FSIP1: variants seen among roughly 807,000 people sequenced by gnomAD.
FSIP1 encodes fibrous sheath-interacting protein 1.
FSIP1 carries 65 observed loss-of-function variants against 60.9 expected under a neutral mutation model. The ratio of observed to expected loss-of-function variants is 1.07; its 90% CI spans 0.87 to 1.31. The LOEUF is 1.31. FSIP1 is among the 40% of genes most tolerant of loss of function. The pLI is 0.00. For missense variants in FSIP1, 675 were observed against 665.5 expected (o/e 1.01, Z -0.16); for synonymous variants, 209 against 221.2 (o/e 0.94, Z 0.49).
At chr15:39,763,716 C>T (rs1332261527) in intron 5 of FSIP1, 105 bp downstream of exon 5, 1 of 668,844 alleles carries the variant, frequency 1.5e-6, no homozygotes, top group African/African-American at 1.8e-5. Context: ...AACAGTCAAA[C>T]TCACAAAGAA....
intron 5 of FSIP1, among the ~76,000 whole-genome samples, chr15:39,751,418 A>ACACACAC (rs887989977): frequency 6.9e-6 from 1 of 144,754 alleles, no homozygotes; most frequent in African/African-American, 2.6e-5. Flanking sequence ...GTAATACATA[A>ACACACAC]ACACACACAC....
At chr15:39,730,680 C>A (rs1392828807) in intron 8 of FSIP1, among the ~76,000 whole-genome samples, 1 of 152,162 alleles carries the variant, frequency 6.6e-6, no homozygotes, top group Non-Finnish European at 1.5e-5. Flanking sequence ...CACTCCTCCC[C>A]ACCCTCTGAT....
chr15:39,763,102 AT>A (rs1439146400), intron 5 of FSIP1, among the ~76,000 whole-genome samples: 2 of 152,038 alleles, frequency 1.3e-5, no homozygotes, highest in African/African-American at 4.8e-5. Context: ...GCTGATAGTA[AT>A]TTTTTTTGTT....
chr15:39,686,163 C>A (rs1009289135), intron 10 of FSIP1, among the ~76,000 whole-genome samples: 2 of 152,110 alleles, frequency 1.3e-5, no homozygotes, highest in African/African-American at 4.8e-5. Flanking sequence ...GGAAACCCAC[C>A]ACGGGTACCC....
chr15:39,685,398 C>A (rs1014291761), intron 10 of FSIP1, among the ~76,000 whole-genome samples: 2 of 152,124 alleles, frequency 1.3e-5, no homozygotes, highest in African/African-American at 2.4e-5. Flanking sequence ...TATTTTATAT[C>A]TCAGTGAAAG....
intron 10 of FSIP1, among the ~76,000 whole-genome samples, chr15:39,694,431 A>G (rs1205974906): frequency 6.6e-6 from 1 of 152,238 alleles, no homozygotes; most frequent in Non-Finnish European, 1.5e-5. Context: ...GACTCAAATT[A>G]TATACACAAA....
intron 10 of FSIP1, among the ~76,000 whole-genome samples, chr15:39,697,443 G>A (rs1033984780): frequency 6.6e-6 from 1 of 152,156 alleles, no homozygotes; most frequent in Non-Finnish European, 1.5e-5. Flanking sequence ...TTAATGTATG[G>A]AATGAACTGG....
In FSIP1 at chr15:39,765,711, G is replaced by T; in HGVS notation, c.346C>A (p.Gln116Lys). The T allele has an allele frequency of 6.4e-7, 1 of 1,553,882 alleles. No homozygotes were observed. The highest frequency in any genetic ancestry group is 2.3e-5 in the East Asian group (1 of 44,206). The change falls in exon 4 of 12, where the codon CAA (glutamine) becomes AAA (lysine). Residue 116 changes from glutamine (Q) to lysine (K), a missense_variant. Transcript: ENST00000350221. ...TTTTTCATCTTCTGAATAGCATCTT[G>T]AAGTTGAGAATCTAATTCTTTTAAT... ...PKLKELDSQL[Q>K]DAIQKMKKLD...
At chr15:39,642,065 C>T (rs749142340) in intron 10 of FSIP1, among the ~76,000 whole-genome samples, 11 of 152,226 alleles carry the variant, frequency 7.2e-5, no homozygotes, top group Admixed American at 1.3e-4. Flanking sequence ...CCAGTTTGAA[C>T]GTTCTACTTG....
At chr15:39,629,736 C>T (rs1891801376) in intron 10 of FSIP1, among the ~76,000 whole-genome samples, 1 of 152,170 alleles carries the variant, frequency 6.6e-6, no homozygotes, top group African/African-American at 2.4e-5. Context: ...ATAGGAGCCT[C>T]GTTGAATCAG....
At chr15:39,678,227 AAAGT>A (rs1894021538) in intron 10 of FSIP1, among the ~76,000 whole-genome samples, 1 of 151,918 alleles carries the variant, frequency 6.6e-6, no homozygotes, top group South Asian at 2.1e-4. Context: ...AAAATTTACA[AAAGT>A]AACTAAAATT....
intron 5 of FSIP1, among the ~76,000 whole-genome samples, chr15:39,751,710 T>A (rs898081772): frequency 6.6e-6 from 1 of 151,836 alleles, no homozygotes; most frequent in African/African-American, 2.4e-5. Flanking sequence ...ATAGCAGATA[T>A]GTAGGACTAA....
chr15:39,696,327 A>C (rs749914776), intron 10 of FSIP1, among the ~76,000 whole-genome samples: 2 of 152,216 alleles, frequency 1.3e-5, no homozygotes, highest in Non-Finnish European at 2.9e-5. Context: ...ATAAATGAAA[A>C]AAGATACAAA....
intron 8 of FSIP1, among the ~76,000 whole-genome samples, chr15:39,731,045 TA>T (rs1896384908): frequency 6.6e-6 from 1 of 152,186 alleles, no homozygotes; most frequent in Non-Finnish European, 1.5e-5. Context: ...CGGTGACTGA[TA>T]AAAAATTTAT....
chr15:39,738,866 G>A (rs147038364), intron 7 of FSIP1, among the ~76,000 whole-genome samples: 39 of 152,274 alleles, frequency 2.6e-4, no homozygotes, highest in African/African-American at 9.1e-4. Flanking sequence ...GCTGCCCCAC[G>A]AATCCAGTTT....
At chr15:39,751,124 A>C (rs951704799) in intron 5 of FSIP1, among the ~76,000 whole-genome samples, 3 of 151,948 alleles carry the variant, frequency 2.0e-5, no homozygotes, top group Admixed American at 2.0e-4. Context: ...GATAACAACT[A>C]TTGGTGAGGG....
chr15:39,772,491 C>T (rs949132548), intron 2 of FSIP1, among the ~76,000 whole-genome samples: 1 of 151,814 alleles, frequency 6.6e-6, no homozygotes, highest in African/African-American at 2.4e-5. Context: ...AATGGGATTT[C>T]ACCATATTGC....
intron 10 of FSIP1, among the ~76,000 whole-genome samples, chr15:39,652,539 T>C (rs1349393840): frequency 6.6e-6 from 1 of 152,236 alleles, no homozygotes; most frequent in Non-Finnish European, 1.5e-5. Flanking sequence ...TTCATCTACC[T>C]AAACATTTCT....
At chr15:39,721,149 C>T (rs536021691) in intron 9 of FSIP1, among the ~76,000 whole-genome samples, 13 of 152,292 alleles carry the variant, frequency 8.5e-5, no homozygotes, top group African/African-American at 3.1e-4. Flanking sequence ...AAGACCAACA[C>T]CTCCTTCATC....
Sources: gnomAD v4.1 joint callset for allele counts (sites outside exome capture counted in the v4.1 genomes callset) on GRCh38, gnomAD v4.1.1 for gene constraint, MANE v1.5 for transcripts, NCBI Gene and HGNC (gene_info 2026-07-23, HGNC 2026-07-21) for gene names.